DOP1B: variants seen among roughly 807,000 people sequenced by gnomAD.
DOP1B encodes DOP1 leucine zipper like protein B, also known as protein DOP1B.
Under a neutral mutation model 233.5 loss-of-function variants are expected in DOP1B, and 174 were observed. The observed-to-expected ratio is 0.75, with a 90% CI of 0.66 to 0.85. The LOEUF is 0.85. DOP1B is among the 40% of genes least tolerant of loss of function. The probability of loss-of-function intolerance (pLI) is 0.00; values close to 1 mark genes in which losing one functional copy is unlikely to be tolerated. For missense variants in DOP1B, 2,652 were observed against 2,846.6 expected (o/e 0.93, Z 1.56); for synonymous variants, 1,190 against 1,185.6 (o/e 1.00, Z -0.08).
chr21:36,232,083 A>G (rs2066773305), intron 14 of DOP1B, among the ~76,000 whole-genome samples: 1 of 152,010 alleles, frequency 6.6e-6, no homozygotes, highest in African/African-American at 2.4e-5. Context: ...TGACCTCGCG[A>G]TCCACCCGCC....
chr21:36,231,251 T>C, intron 14 of DOP1B, 117 bp downstream of exon 14: 1 of 1,311,022 alleles, frequency 7.6e-7, no homozygotes, highest in Non-Finnish European at 1.0e-6. Flanking sequence ...GATTTCGGAC[T>C]TTTTTCAGAT....
At chr21:36,229,143 T>C (rs1409691729) in intron 13 of DOP1B, among the ~76,000 whole-genome samples, 1 of 152,130 alleles carries the variant, frequency 6.6e-6, no homozygotes, top group Non-Finnish European at 1.5e-5. Context: ...GGCATGTGAT[T>C]TTGGTTATTT....
intron 2 of DOP1B, among the ~76,000 whole-genome samples, chr21:36,180,438 C>T (rs750640599): frequency 1.2e-4 from 18 of 151,402 alleles, no homozygotes; most frequent in South Asian, 2.1e-4. Context: ...GGTGTGGTGG[C>T]GCACACCTGT....
chr21:36,217,074 CAAAAAA>C (rs11353414), intron 9 of DOP1B, among the ~76,000 whole-genome samples: 1 of 100,024 alleles, frequency 1.0e-5, no homozygotes, highest in African/African-American at 3.6e-5. Flanking sequence ...GACTCCATCT[CAAAAAA>C]AAAAAAAAAA....
chr21:36,197,373 G>A (rs928143069), intron 2 of DOP1B, among the ~76,000 whole-genome samples: 4 of 152,120 alleles, frequency 2.6e-5, no homozygotes, highest in East Asian at 1.9e-4. Context: ...AGGTGGGATC[G>A]TAGTGTTTGC....
chr21:36,165,401 T>TGTGTGTGCATGTGTGTGCATAC (rs1003564828), intron 2 of DOP1B, among the ~76,000 whole-genome samples: 7 of 152,112 alleles, frequency 4.6e-5, no homozygotes, highest in African/African-American at 1.7e-4. Context: ...AACTTGTGTG[T>TGTGTGTGCATGTGTGTGCATAC]GTGTGTGCAT....
At chr21:36,175,612 G>A (rs1367822776) in intron 2 of DOP1B, among the ~76,000 whole-genome samples, 3 of 151,848 alleles carry the variant, frequency 2.0e-5, no homozygotes, top group Non-Finnish European at 2.9e-5. Context: ...GGCCAACATG[G>A]TGAAATCCTG....
chr21:36,214,133 T>A lies in DOP1B; in HGVS notation c.957T>A (p.Ser319=), dbSNP rs1399608337. The part of the protein sequence containing the change: ...TVVPESEISN[S]YEDQSSYFFE... ...TGCCAGAATCTGAAATCTCAAATTC[T>A]TATGAAGACCAGTCGTCTTATTTTT... The change falls in exon 8 of 37, where the codon TCT becomes TCA. Residue 319 remains serine, a synonymous_variant. Transcript: ENST00000691173. The A allele has an allele frequency of 6.2e-7, 1 of 1,614,054 alleles. No individual in the cohort carries two copies. The highest frequency in any genetic ancestry group is 8.5e-7 in the Non-Finnish European group (1 of 1,180,010).
chr21:36,183,926 C>T (rs904722503), intron 2 of DOP1B, among the ~76,000 whole-genome samples: 6 of 150,492 alleles, frequency 4.0e-5, no homozygotes, highest in African/African-American at 1.5e-4. Flanking sequence ...TGCAGTGGTG[C>T]AGTCTCAACT....
At chr21:36,197,810 G>C (rs1345871753) in intron 2 of DOP1B, among the ~76,000 whole-genome samples, 1 of 151,440 alleles carries the variant, frequency 6.6e-6, no homozygotes, top group Non-Finnish European at 1.5e-5. Context: ...AGGAGTTCGA[G>C]ACCAGTCTGG....
At chr21:36,185,613 C>T (rs981293377) in intron 2 of DOP1B, among the ~76,000 whole-genome samples, 1 of 152,170 alleles carries the variant, frequency 6.6e-6, no homozygotes, top group Admixed American at 6.6e-5. Flanking sequence ...AGCCCACACT[C>T]CAGGGTTGAG....
chr21:36,263,521 T>G lies in DOP1B; in HGVS notation c.5316-25T>G. 4 of 1,596,090 alleles carry G rather than the reference T, an allele frequency of 2.5e-6. No homozygotes were observed. The South Asian group carries it at 4.4e-5, about 18-fold the overall frequency. On this transcript the variant is annotated intron_variant, in intron 24 of 36. Transcript: ENST00000691173. The stretch of plus-strand genomic sequence containing the variant: ...ATTTTGACTTGTTCGTGGTTGAGTA[T>G]TTTTCCTATCTTTTAAAAAAACAGG...
At position 36,248,576 on chromosome 21, in the gene DOP1B, G is replaced by T; in HGVS notation, c.4998+8G>T. On this transcript the variant is annotated splice_region_variant and intron_variant, in intron 21 of 36. Transcript: ENST00000691173. ...TACTTTAAAACCACCAAAGTAAGAG[G>T]ATGTCTCTGTAGTTCTGTCATTTAC... 1 of 1,601,342 alleles carries T rather than the reference G, an allele frequency of 6.2e-7. No homozygotes were observed. Among genetic ancestry groups the T allele is most frequent in the Non-Finnish European group, 8.5e-7 (1 of 1,174,216 alleles).
chr21:36,231,204 T>A, intron 14 of DOP1B, 70 bp downstream of exon 14: 2 of 1,501,016 alleles, frequency 1.3e-6, no homozygotes, highest in Non-Finnish European at 1.8e-6. Flanking sequence ...GGGTGGAATA[T>A]CCCCTATCCA....
intron 16 of DOP1B, 45 bp from the exon 17 acceptor site, chr21:36,238,556 A>C: frequency 3.9e-6 from 6 of 1,535,852 alleles, no homozygotes; most frequent in Non-Finnish European, 4.5e-6. Flanking sequence ...GACAGTGGTC[A>C]GTTACAAAAC....
chr21:36,182,633 A>G (rs2066113712), intron 2 of DOP1B, among the ~76,000 whole-genome samples: 1 of 152,182 alleles, frequency 6.6e-6, no homozygotes, highest in Non-Finnish European at 1.5e-5. Context: ...GTTTGAGACC[A>G]GCCTGAGCAA....
chr21:36,238,841 G>T, intron 17 of DOP1B, 140 bp downstream of exon 17: 1 of 791,554 alleles, frequency 1.3e-6, no homozygotes. Flanking sequence ...GGTGGCTCAC[G>T]CCTGTAATCC....
rs1349994812 is a variant in DOP1B, at chr21:36,293,481, C to T, written c.6807C>T (p.Phe2269=). The T allele has an allele frequency of 5.0e-6, 8 of 1,614,060 alleles. No individual in the cohort carries two copies. Among genetic ancestry groups the T allele is most frequent in the African/African-American group, 2.7e-5 (2 of 74,922 alleles). ...QLPADSPGTP[F]LDFPVTDSPR... is the part of the protein sequence containing the mutation. ...CTGCTGATAGCCCAGGAACTCCATTCTTGGACTTTCCTGTCACAGATAGCC... is the reference window on the plus strand; with the variant it reads ...CTGCTGATAGCCCAGGAACTCCATTTTTGGACTTTCCTGTCACAGATAGCC... The change falls in exon 37 of 37, where the codon TTC becomes TTT. Residue 2269 remains phenylalanine (F), a synonymous_variant. Coordinates refer to ENST00000691173, the MANE Select transcript of DOP1B (RefSeq NM_001320714.2).
intron 4 of DOP1B, among the ~76,000 whole-genome samples, chr21:36,202,041 G>T (rs2066373588): frequency 6.6e-6 from 1 of 152,090 alleles, no homozygotes; most frequent in South Asian, 2.1e-4. Context: ...AAAAAAATTA[G>T]CCGGACATGG....
Sources: allele counts gnomAD v4.1 joint callset (sites outside exome capture counted in the v4.1 genomes callset), GRCh38; gene constraint gnomAD v4.1.1; transcripts MANE v1.5; gene names NCBI Gene and HGNC (gene_info 2026-07-23, HGNC 2026-07-21).